The following MAST3 variants were observed in gnomAD, a reference collection of about 807,000 sequenced individuals.
MAST3 encodes microtubule-associated serine/threonine-protein kinase 3.
In MAST3, 43 loss-of-function variants were observed where a neutral mutation model predicts 127.0. The observed-to-expected ratio is 0.34, with a 90% CI of 0.27 to 0.44. The LOEUF (loss-of-function observed/expected upper bound fraction) is 0.44, where lower values mean the gene tolerates loss of function less well. Ranked by LOEUF, MAST3 falls within the 20% of genes least tolerant of loss-of-function variation. The pLI is 1.00. For missense variants in MAST3, 1,390 were observed against 1,919.1 expected (o/e 0.72, Z 5.15); for synonymous variants, 785 against 809.2 (o/e 0.97, Z 0.51).
rs778061924 is a variant in MAST3, at chr19:18,121,682, C to T, written c.162-3C>T. 17 of 1,613,268 alleles carry T rather than the reference C, an allele frequency of 1.1e-5. No individual in the cohort carries two copies. Among genetic ancestry groups the T allele is most frequent in the Non-Finnish European group, 1.4e-5 (16 of 1,179,704 alleles). ...CCTACCCTGTCCCCTTTTCCCCCCA[C>T]AGCTGCCGCAGCGGGAACCGCAAGA... On this transcript the variant is annotated splice_polypyrimidine_tract_variant and splice_region_variant and intron_variant, in intron 3 of 27. Coordinates refer to ENST00000687212, the MANE Select transcript of MAST3 (RefSeq NM_001393504.1).
intron 3 of MAST3, among the ~76,000 whole-genome samples, chr19:18,114,349 C>T (rs1297863744): frequency 6.6e-6 from 1 of 151,590 alleles, no homozygotes; most frequent in East Asian, 1.9e-4. Flanking sequence ...GCCACCACGC[C>T]CTGCTAGTTT....
intron 18 of MAST3, among the ~76,000 whole-genome samples, chr19:18,136,053 C>G (rs1266703357): frequency 6.6e-6 from 1 of 152,164 alleles, no homozygotes; most frequent in East Asian, 1.9e-4. Flanking sequence ...GGTCTGGTGC[C>G]CATATGGAGC....
At position 18,130,703 on chromosome 19, in the gene MAST3, G is replaced by A. The variant is rs764289408; in HGVS notation, c.1432+1G>A. ...TGTATGGTCATGGAATACGTGGAAG[G>A]TACGCTCACTGGGGCTTGCATGCCT... On this transcript the variant is annotated splice_donor_variant, in intron 14 of 27. Coordinates refer to ENST00000687212, the MANE Select transcript of MAST3 (RefSeq NM_001393504.1). LOFTEE classifies it high-confidence loss of function. 1.9e-6 allele frequency: 3 copies of A among 1,612,834 alleles called. No homozygotes were observed. The highest frequency in any genetic ancestry group is 2.5e-6 in the Non-Finnish European group (3 of 1,179,480).
At chr19:18,105,095 C>T (rs1326229976) in intron 1 of MAST3, among the ~76,000 whole-genome samples, 4 of 152,110 alleles carry the variant, frequency 2.6e-5, no homozygotes, top group East Asian at 3.9e-4. Flanking sequence ...TGACCGGGTG[C>T]GATGGCTTAC....
At chr19:18,138,092 C>A (rs2042064792) in intron 19 of MAST3, among the ~76,000 whole-genome samples, 1 of 151,894 alleles carries the variant, frequency 6.6e-6, no homozygotes, top group Non-Finnish European at 1.5e-5. Flanking sequence ...TGCCTGTAAT[C>A]CCAGCTATTT....
chr19:18,131,904 C>T lies in MAST3; in HGVS notation c.1433-5C>T. 6.3e-7 allele frequency: 1 copy of T among 1,574,864 alleles called. No individual in the cohort carries two copies. Among genetic ancestry groups the T allele is most frequent in the Non-Finnish European group, 8.6e-7 (1 of 1,162,806 alleles). On this transcript the variant is annotated splice_polypyrimidine_tract_variant and splice_region_variant and intron_variant, in intron 14 of 27. Coordinates refer to ENST00000687212, the MANE Select transcript of MAST3 (RefSeq NM_001393504.1). ...GCCTCATGACTACATCCGCCCTTCT[C>T]CCAGGCGGCGACTGCGCCACGCTCC...
chr19:18,123,977 G>T lies in MAST3; in HGVS notation c.672G>T (p.Leu224=). 1 of 1,583,502 alleles carries T rather than the reference G, an allele frequency of 6.3e-7. No homozygotes were observed. Among genetic ancestry groups the T allele is most frequent in the Non-Finnish European group, 8.6e-7 (1 of 1,167,462 alleles). Residue 224 remains leucine (L), a synonymous_variant, in exon 9 of 28, where the codon CTG becomes CTT. Transcript: ENST00000687212. ...AQMEGRLQEF[L]TAYAPGARLA... is the part of the protein sequence containing the mutation. ...TGGAGGGCCGTCTGCAGGAGTTCCT[G>T]ACGGCCTACGCGCCCGGCGCCCGGC...
rs2040146185 is a variant in MAST3 at position 18,122,730 on chromosome 19, C to T, written c.378C>T (p.Asn126=). 14 of 1,613,502 alleles carry T rather than the reference C, an allele frequency of 8.7e-6. No homozygotes were observed. The highest frequency in any genetic ancestry group is 1.3e-5 in the African/African-American group (1 of 74,926). ...TCCCATCTTCCGGCTATGGAACCAACACACCCAGCTCCACCCTCTCGGTAC... is the reference window on the plus strand; with the variant it reads ...TCCCATCTTCCGGCTATGGAACCAATACACCCAGCTCCACCCTCTCGGTAC... The part of the protein sequence containing the change: ...ASLPSSGYGT[N]TPSSTLSSSS... Residue 126 remains asparagine, a synonymous_variant, in exon 6 of 28, where the codon AAC becomes AAT. Transcript: ENST00000687212.
chr19:18,147,392 C>G, intron 26 of MAST3, 51 bp from the exon 27 acceptor site: 4 of 1,548,610 alleles, frequency 2.6e-6, no homozygotes, highest in Non-Finnish European at 3.6e-6. Context: ...TGTGAGCCAC[C>G]ATGCCTGGCC....
intron 12 of MAST3, 67 bp from the exon 13 acceptor site, chr19:18,128,799 T>C: frequency 7.6e-7 from 1 of 1,312,384 alleles, no homozygotes; most frequent in Non-Finnish European, 1.1e-6. Flanking sequence ...TGGTTTGGGC[T>C]TGGGGGCAGG....
intron 11 of MAST3, among the ~76,000 whole-genome samples, 169 bp downstream of exon 11, chr19:18,124,943 C>A (rs557984919): frequency 9.9e-4 from 148 of 149,584 alleles, no homozygotes; most frequent in Non-Finnish European, 1.8e-3. Context: ...CCCCCCCCTA[C>A]TAAAAATACA....
chr19:18,139,332 T>C (rs1231156285), intron 20 of MAST3, among the ~76,000 whole-genome samples: 1 of 150,686 alleles, frequency 6.6e-6, no homozygotes, highest in African/African-American at 2.5e-5. Context: ...GTTTTTTGTT[T>C]TGTTTTGTTT....
At chr19:18,139,732 A>G (rs1206740906) in intron 20 of MAST3, among the ~76,000 whole-genome samples, 2 of 152,008 alleles carry the variant, frequency 1.3e-5, no homozygotes, top group East Asian at 3.9e-4. Flanking sequence ...AAGCGCTGGG[A>G]TTACAGGCAT....
At position 18,121,599 on chromosome 19, in the gene MAST3, G is replaced by T; in HGVS notation, c.162-86G>T. ...CCAACATCCCATCCTTCTCCAGAAC[G>T]GGCTGCGAGTGTGATTTAGGCTGGG... On this transcript the variant is annotated intron_variant, in intron 3 of 27. Transcript: ENST00000687212. 3 of 1,130,630 alleles carry T rather than the reference G, an allele frequency of 2.7e-6. No homozygotes were observed. The Admixed American group carries it at 5.5e-5, about 21-fold the overall frequency. The allele number at this position is 1,130,630 out of a possible 1,614,324, so 70.0% of individuals were successfully genotyped here. A position where few individuals can be genotyped will look rare whatever the true frequency, so the allele number is the denominator to read the frequency against.
chr19:18,126,258 G>A (rs553484475), intron 11 of MAST3, among the ~76,000 whole-genome samples: 1 of 152,164 alleles, frequency 6.6e-6, no homozygotes, highest in African/African-American at 2.4e-5. Context: ...AAATAGCCAG[G>A]ATAAGAGGAA....
At chr19:18,130,118 T>C (rs779351565) in intron 13 of MAST3, among the ~76,000 whole-genome samples, 3 of 151,540 alleles carry the variant, frequency 2.0e-5, no homozygotes, top group Non-Finnish European at 2.9e-5. Context: ...GGTTCTGTTG[T>C]GGGAGGATCA....
intron 21 of MAST3, among the ~76,000 whole-genome samples, chr19:18,143,279 A>G (rs1376555109): frequency 6.6e-6 from 1 of 152,032 alleles, no homozygotes; most frequent in African/African-American, 2.4e-5. Flanking sequence ...GCTGGGTTTT[A>G]AAAGTTGAAT....
Position 18,142,077 on chromosome 19 carries a change from C to A in MAST3, c.2339+62C>A, listed in dbSNP as rs551572599. The A allele has an allele frequency of 9.7e-5, 130 of 1,345,784 alleles. 1 individual carries two copies. The South Asian group carries it at 2.8e-3, about 29-fold the overall frequency. The allele number at this position is 1,345,784 out of a possible 1,614,324, so 83.4% of individuals were successfully genotyped here. A position where few individuals can be genotyped will look rare whatever the true frequency, so the allele number is the denominator to read the frequency against. On this transcript the variant is annotated intron_variant, in intron 21 of 27. Transcript: ENST00000687212. ...CCAAGCCTGCTGGGAGGTAGAGACA[C>A]AAAATCTGATGCAAAGGGAGCTTCC...
In MAST3 at chr19:18,145,101, C is replaced by A. The variant is rs895716927; in HGVS notation, c.2911C>A (p.Pro971Thr). 1 of 1,613,754 alleles carries A rather than the reference C, an allele frequency of 6.2e-7. No homozygotes were observed. Among genetic ancestry groups the A allele is most frequent in the Non-Finnish European group, 8.5e-7 (1 of 1,179,878 alleles). Residue 971 changes from proline to threonine, a missense_variant, in exon 24 of 28, where the codon CCC becomes ACC. Transcript: ENST00000687212. This position sits in a 1 kb window ranked among gnomAD's most constrained non-coding sequence, Gnocchi z 5.9. ...RDSSPSRDPS[P>T]VCGSLRPPIV... ...CTCTTCGCCGAGCCGAGACCCGTCC[C>A]CCGTGTGTGGCAGCCTGCGGCCCCC...
Sources: gnomAD v4.1 joint callset for allele counts (sites outside exome capture counted in the v4.1 genomes callset) on GRCh38, gnomAD v4.1.1 for gene constraint, Gnocchi (gnomAD v3.1) non-coding constraint, MANE v1.5 for transcripts, NCBI Gene and HGNC (gene_info 2026-07-23, HGNC 2026-07-21) for gene names.